Variants in PHF14 observed in about 807,000 individuals in gnomAD.
The protein encoded by PHF14 is PHD finger protein 14.
In PHF14, 55 loss-of-function variants were observed where a neutral mutation model predicts 117.9. The ratio of observed to expected loss-of-function variants is 0.47; its 90% CI spans 0.38 to 0.58. The LOEUF is 0.58. PHF14 is among the 20% of genes least tolerant of loss of function. PHF14 has a pLI of 0.00. For synonymous variants in PHF14, 409 were observed against 368.6 expected, an observed-to-expected ratio of 1.11 and a Z score of -1.26; for missense variants, 978 against 1,122.2, an observed-to-expected ratio of 0.87 and a Z score of 1.84.
chr7:11,034,585 G>T (rs1168197719), intron 7 of PHF14, among the ~76,000 whole-genome samples: 1 of 106,550 alleles, frequency 9.4e-6, no homozygotes, highest in Non-Finnish European at 1.7e-5. Flanking sequence ...CTGTCGCTCT[G>T]TCACCCAGGC....
chr7:11,089,586 A>AT (rs757481765), intron 16 of PHF14, among the ~76,000 whole-genome samples: 1 of 152,156 alleles, frequency 6.6e-6, no homozygotes, highest in African/African-American at 2.4e-5. Flanking sequence ...CTCTGGAAAT[A>AT]TTTTTTAATG....
In PHF14 at chr7:11,105,104, C is replaced by G. The variant is rs535135157; in HGVS notation, c.2655-6246C>G. On this transcript the variant is annotated intron_variant, in intron 16 of 17. Coordinates refer to ENST00000634607, the MANE Select transcript of PHF14 (RefSeq NM_001007157.2). ...ACAGAAAGAAATCAATAAACATAGCCTGTGTTCACAATTCACTCATCCTTT... is the reference window on the plus strand; with the variant it reads ...ACAGAAAGAAATCAATAAACATAGCGTGTGTTCACAATTCACTCATCCTTT... The G allele has an allele frequency of 2.5e-5, 24 of 964,262 alleles. No homozygotes were observed. The African/African-American group carries it at 4.2e-4, about 17-fold the overall frequency. 59.7% of individuals were successfully genotyped at this position (964,262 alleles called of 1,614,324 possible).
chr7:11,123,780 C>T (rs917346577), intron 17 of PHF14, among the ~76,000 whole-genome samples: 11 of 151,682 alleles, frequency 7.3e-5, no homozygotes, highest in African/African-American at 1.9e-4. Context: ...ACCCAGGAAG[C>T]GGAGGCTGGA....
intron 1 of PHF14, 142 bp from the exon 2 acceptor site, chr7:10,974,693 C>A: frequency 1.6e-6 from 1 of 616,658 alleles, no homozygotes; most frequent in Admixed American, 3.0e-5. Flanking sequence ...TGCACCCCAA[C>A]CTTCTCCTGA....
chr7:11,107,955 T>G (rs1446850741), intron 16 of PHF14: 2 of 154,842 alleles, frequency 1.3e-5, no homozygotes, highest in African/African-American at 4.8e-5. Context: ...CCCTTACGAG[T>G]TTTTTTAAAT....
intron 2 of PHF14, 65 bp from the exon 3 acceptor site, chr7:10,982,307 G>T (rs1233274196): frequency 1.9e-6 from 2 of 1,025,812 alleles, no homozygotes; most frequent in Non-Finnish European, 2.8e-6. Context: ...TTGTGTCAGC[G>T]TTGTGTGTGT....
chr7:11,062,787 G>GA, intron 16 of PHF14: 1 of 985,228 alleles, frequency 1.0e-6, no homozygotes, highest in Non-Finnish European at 1.2e-6. Context: ...TGAGATGGGG[G>GA]AGTGAGTGTG....
intron 3 of PHF14, among the ~76,000 whole-genome samples, chr7:10,988,642 A>T (rs145736005): frequency 6.6e-6 from 1 of 150,510 alleles, no homozygotes. Flanking sequence ...GGAGCTTGCA[A>T]CTTTTCTTTT....
intron 16 of PHF14, among the ~76,000 whole-genome samples, chr7:11,064,989 C>T (rs929680882): frequency 2.0e-5 from 3 of 152,006 alleles, no homozygotes; most frequent in African/African-American, 7.2e-5. Flanking sequence ...ATAAAGGTCA[C>T]AATTGGTAAA....
At chr7:11,093,947 T>C (rs544744080) in intron 16 of PHF14, among the ~76,000 whole-genome samples, 11 of 152,250 alleles carry the variant, frequency 7.2e-5, no homozygotes, top group Admixed American at 7.2e-4. Flanking sequence ...TTTCCTCTTA[T>C]GTTTTTTTCT....
intron 13 of PHF14, among the ~76,000 whole-genome samples, chr7:11,048,577 A>G (rs999173938): frequency 6.6e-6 from 1 of 152,214 alleles, no homozygotes; most frequent in African/African-American, 2.4e-5. Flanking sequence ...GTCTGAAAAC[A>G]AAGAAAAAAT....
At chr7:11,152,464 A>G (rs1224741636) in intron 17 of PHF14, among the ~76,000 whole-genome samples, 2 of 152,142 alleles carry the variant, frequency 1.3e-5, no homozygotes, top group African/African-American at 2.4e-5. Context: ...TTAATAATAT[A>G]CAATAATATA....
chr7:11,166,750 A>G (rs1002104537), intron 17 of PHF14, among the ~76,000 whole-genome samples: 2 of 152,178 alleles, frequency 1.3e-5, no homozygotes, highest in African/African-American at 2.4e-5. Flanking sequence ...TCTAAAAGGA[A>G]GAAAGAGATT....
At chr7:11,075,687 T>G (rs183244172) in intron 16 of PHF14, among the ~76,000 whole-genome samples, 5 of 151,552 alleles carry the variant, frequency 3.3e-5, no homozygotes, top group Non-Finnish European at 7.4e-5. Flanking sequence ...ACCTGAGATT[T>G]GGAGGAGACA....
chr7:10,981,863 G>C (rs1248772328), intron 2 of PHF14, among the ~76,000 whole-genome samples: 2 of 152,062 alleles, frequency 1.3e-5, no homozygotes, highest in Non-Finnish European at 2.9e-5. Context: ...AAATATCTAT[G>C]CTTATTTTAC....
At chr7:11,086,209 C>G (rs111864377) in intron 16 of PHF14, among the ~76,000 whole-genome samples, 1,851 of 152,208 alleles carry the variant, frequency 0.012, 28 homozygotes, top group African/African-American at 0.043. Context: ...TACTATTGTA[C>G]TCAAATTTGT....
At chr7:10,986,590 G>A (rs1782235255) in intron 3 of PHF14, among the ~76,000 whole-genome samples, 1 of 152,142 alleles carries the variant, frequency 6.6e-6, no homozygotes, top group South Asian at 2.1e-4. Flanking sequence ...TCCGCAAACG[G>A]ACACCTGTTT....
chr7:11,034,539 A>ATTTTTTTTTT lies in PHF14; in HGVS notation c.1456-1083_1456-1074dup, dbSNP rs56043099. On this transcript the variant is annotated intron_variant, in intron 7 of 17. Transcript: ENST00000634607. ...ACAGGGCTTAGAATTTCTTAATTCTATTTTTTTTTTTTTTTTTTTTTTTTT... is the reference window on the plus strand; with the variant it reads ...ACAGGGCTTAGAATTTCTTAATTCTATTTTTTTTTTTTTTTTTTTTTTTTTTTTTTTTTTT... Among the ~76,000 whole-genome samples the ATTTTTTTTTT allele has an allele frequency of 1.1e-4, 7 of 63,096 alleles. 1 individual carries two copies. In the East Asian group the frequency reaches 2.1e-3, roughly 19 times the overall value. 41.4% of individuals were successfully genotyped at this position (63,096 alleles called of 152,430 possible). A position where few individuals can be genotyped will look rare whatever the true frequency, so the allele number is the denominator to read the frequency against.
chr7:11,158,467 T>C (rs1005369301), intron 17 of PHF14, among the ~76,000 whole-genome samples: 4 of 152,134 alleles, frequency 2.6e-5, no homozygotes, highest in Non-Finnish European at 4.4e-5. Flanking sequence ...CTAGTGATGT[T>C]AGCCTTGGTC....
Sources: allele counts gnomAD v4.1 joint callset (sites outside exome capture counted in the v4.1 genomes callset), GRCh38; gene constraint gnomAD v4.1.1; transcripts MANE v1.5; gene names NCBI Gene and HGNC (gene_info 2026-07-23, HGNC 2026-07-21).